TUSC3: variants seen among roughly 807,000 people sequenced by gnomAD.
TUSC3 encodes tumor suppressor candidate 3.
TUSC3 carries 45 observed loss-of-function variants against 44.8 expected under a neutral mutation model. The ratio of observed to expected loss-of-function variants is 1.00; its 90% CI spans 0.79 to 1.29. The LOEUF (loss-of-function observed/expected upper bound fraction) is 1.29, where lower values mean the gene tolerates loss of function less well. Among genes scored for constraint, TUSC3 ranks in the 50% most tolerant of loss-of-function variants. TUSC3 has a pLI of 0.00. For synonymous variants in TUSC3, 212 were observed against 152.9 expected (o/e 1.39, Z -2.85); for missense variants, 519 against 437.9 (o/e 1.19, Z -1.65).
intron 2 of TUSC3, among the ~76,000 whole-genome samples, chr8:15,520,058 C>T (rs1801274958): frequency 6.6e-6 from 1 of 152,158 alleles, no homozygotes; most frequent in South Asian, 2.1e-4. Context: ...TAATAAGATT[C>T]AGACTCTGAG....
chr8:15,650,870 TTTTG>T (rs1201712290), intron 3 of TUSC3, 56 bp downstream of exon 3: 1 of 1,559,514 alleles, frequency 6.4e-7, no homozygotes, highest in Non-Finnish European at 8.8e-7. Flanking sequence ...GTCGATACAT[TTTTG>T]TTTGTCACAT....
the TUSC3 span, among the ~76,000 whole-genome samples, chr8:15,847,654 G>T: frequency 6.6e-6 from 1 of 152,102 alleles, no homozygotes. Context: ...CCATTTTTAA[G>T]CTTTGTGATC....
intron 5 of TUSC3, 140 bp downstream of exon 5, chr8:15,662,436 AT>A (rs1563160263): frequency 3.3e-6 from 4 of 1,222,630 alleles, no homozygotes; most frequent in Admixed American, 2.1e-5. Context: ...AACTTGGATA[AT>A]TTAGTTTGAG....
At chr8:15,476,642 TG>T (rs146635703) in intron 1 of TUSC3, among the ~76,000 whole-genome samples, 1,996 of 152,226 alleles carry the variant, frequency 0.013, 53 homozygotes, top group African/African-American at 0.046. Context: ...CAAACAAAGC[TG>T]GGAAAGAATG....
At chr8:15,697,989 G>T (rs1809242209) in intron 6 of TUSC3, among the ~76,000 whole-genome samples, 1 of 151,870 alleles carries the variant, frequency 6.6e-6, no homozygotes, top group Non-Finnish European at 1.5e-5. Context: ...TATTTAATTT[G>T]GTTTACCCCA....
intron 6 of TUSC3, among the ~76,000 whole-genome samples, chr8:15,678,880 G>T (rs1307415344): frequency 6.6e-6 from 1 of 152,076 alleles, no homozygotes; most frequent in Non-Finnish European, 1.5e-5. Context: ...AAAATATTTG[G>T]TTTTCTGTTT....
chr8:15,597,764 G>A (rs939365252), intron 1 of TUSC3, among the ~76,000 whole-genome samples: 2 of 151,986 alleles, frequency 1.3e-5, no homozygotes, highest in African/African-American at 4.8e-5. Flanking sequence ...AAAGCATATG[G>A]CTAAGTCTTA....
At chr8:15,603,383 G>A (rs1475073995) in intron 1 of TUSC3, among the ~76,000 whole-genome samples, 1 of 151,566 alleles carries the variant, frequency 6.6e-6, no homozygotes, top group African/African-American at 2.4e-5. Flanking sequence ...ATAAGTATGT[G>A]GGAAAATGGG....
chr8:15,423,399 T>C (rs1799762221), intron 1 of TUSC3, among the ~76,000 whole-genome samples: 1 of 152,210 alleles, frequency 6.6e-6, no homozygotes, highest in Admixed American at 6.5e-5. Flanking sequence ...GGATACTGTC[T>C]CCTAGATTTT....
intron 7 of TUSC3, chr8:15,733,472 T>G: frequency 2.9e-6 from 1 of 348,834 alleles, no homozygotes; most frequent in Non-Finnish European, 5.6e-6. Flanking sequence ...GATGAAAAGC[T>G]GTGTTGAGAT....
the TUSC3 span, among the ~76,000 whole-genome samples, chr8:15,831,155 A>T: frequency 2.0e-5 from 3 of 152,204 alleles, no homozygotes; most frequent in African/African-American, 7.2e-5. Context: ...GTCCCCCAGA[A>T]TTAGGGCATG....
chr8:15,724,021 C>T (rs1810405593), intron 6 of TUSC3, among the ~76,000 whole-genome samples: 1 of 152,058 alleles, frequency 6.6e-6, no homozygotes. Flanking sequence ...GGGTCTTTAG[C>T]AGGCAATTAA....
chr8:15,754,451 A>G (rs1186297442), intron 9 of TUSC3, among the ~76,000 whole-genome samples: 17 of 152,266 alleles, frequency 1.1e-4, no homozygotes, highest in Non-Finnish European at 1.6e-4. Context: ...GCTAGTACAG[A>G]CACACATTCT....
chr8:15,725,456 T>TA (rs1382527284), intron 6 of TUSC3, among the ~76,000 whole-genome samples: 2 of 152,178 alleles, frequency 1.3e-5, no homozygotes, highest in African/African-American at 4.8e-5. Context: ...AAAAACAAAT[T>TA]ACTCACTGGC....
intron 1 of TUSC3, among the ~76,000 whole-genome samples, chr8:15,549,424 G>C (rs1801979934): frequency 1.3e-5 from 2 of 151,398 alleles, no homozygotes; most frequent in African/African-American, 2.4e-5. Context: ...TGCCCGCCTC[G>C]GCCTCCCAAA....
intron 3 of TUSC3, 146 bp from the exon 4 acceptor site, chr8:15,659,361 A>C: frequency 1.0e-6 from 1 of 976,662 alleles, no homozygotes; most frequent in South Asian, 1.6e-5. Context: ...AATTAAGACA[A>C]ATAAAAACAG....
the TUSC3 span, among the ~76,000 whole-genome samples, chr8:15,805,531 A>C: frequency 1.3e-5 from 2 of 152,044 alleles, no homozygotes; most frequent in African/African-American, 2.4e-5. Context: ...TTGATGGTTT[A>C]TTATGAAAGG....
chr8:15,438,667 T>C (rs922712074), intron 1 of TUSC3, among the ~76,000 whole-genome samples: 4 of 152,230 alleles, frequency 2.6e-5, no homozygotes, highest in Non-Finnish European at 4.4e-5. Flanking sequence ...GCAAACTGAA[T>C]GCTGACCTTG....
At chr8:15,617,000 C>T (rs1386104270) in intron 1 of TUSC3, among the ~76,000 whole-genome samples, 1 of 152,114 alleles carries the variant, frequency 6.6e-6, no homozygotes, top group African/African-American at 2.4e-5. Flanking sequence ...ACAGAGATTT[C>T]CGGCTAGCGA....
Sources: allele counts gnomAD v4.1 joint callset (sites outside exome capture counted in the v4.1 genomes callset), GRCh38; gene constraint gnomAD v4.1.1; transcripts MANE v1.5; gene names NCBI Gene and HGNC (gene_info 2026-07-23, HGNC 2026-07-21).